DDX20: variants seen among roughly 807,000 people sequenced by gnomAD.
The protein encoded by DDX20 is DEAD-box helicase 20.
A neutral mutation model predicts 76.4 loss-of-function variants in DDX20; 61 were observed. That is an observed-to-expected ratio of 0.80 (90% CI 0.65 to 0.99). The LOEUF (loss-of-function observed/expected upper bound fraction) is 0.99, where lower values mean the gene tolerates loss of function less well. DDX20 is among the 50% of genes least tolerant of loss of function. The pLI is 0.00. For missense variants in DDX20, 976 were observed against 996.8 expected (o/e 0.98, Z 0.28); for synonymous variants, 357 against 357.4 (o/e 1.00, Z 0.01).
At chr1:111,759,606 A>G (rs1175489399) in intron 3 of DDX20, 38 bp downstream of exon 3, 3 of 1,547,454 alleles carry the variant, frequency 1.9e-6, no homozygotes, top group Non-Finnish European at 2.7e-6. Context: ...AGGGCTTTTA[A>G]GGAACTACAC....
intron 10 of DDX20, among the ~76,000 whole-genome samples, chr1:111,763,476 G>A (rs1663716743): frequency 6.6e-6 from 1 of 151,976 alleles, no homozygotes; most frequent in African/African-American, 2.4e-5. Flanking sequence ...GGAGGCTGAG[G>A]CAGGAGAATC....
intron 10 of DDX20, 115 bp downstream of exon 10, chr1:111,763,122 T>C: frequency 1.3e-6 from 1 of 766,210 alleles, no homozygotes; most frequent in East Asian, 2.7e-5. Context: ...TTCCCAGTCC[T>C]GTATGTACGT....
At chr1:111,758,921 GAAT>G (rs1227035373) in intron 2 of DDX20, among the ~76,000 whole-genome samples, 3 of 152,164 alleles carry the variant, frequency 2.0e-5, no homozygotes, top group Non-Finnish European at 4.4e-5. Flanking sequence ...TTTGTTGAAT[GAAT>G]GAATGAATGA....
intron 2 of DDX20, 143 bp from the exon 3 acceptor site, chr1:111,759,257 G>A: frequency 3.0e-6 from 2 of 660,666 alleles, no homozygotes; most frequent in South Asian, 3.0e-5. Context: ...GGATACCAAG[G>A]GATAACTGTA....
Position 111,756,264 on chromosome 1 carries a change from G to C in DDX20, c.301+39G>C, listed in dbSNP as rs1298391225. 54 of 1,187,748 alleles carry C rather than the reference G, an allele frequency of 4.5e-5. 1 individual carries two copies. The East Asian group carries it at 1.4e-3, about 31-fold the overall frequency. The allele number at this position is 1,187,748 out of a possible 1,614,324, so 73.6% of individuals were successfully genotyped here. A position where few individuals can be genotyped will look rare whatever the true frequency, so the allele number is the denominator to read the frequency against. ...CCCGGGATAGGTCGGGGGGTGGGGT[G>C]GGAGAAGGGGGACCGACGGGCGGCG... On this transcript the variant is annotated intron_variant, in intron 1 of 10. Coordinates refer to ENST00000369702, the MANE Select transcript of DDX20 (RefSeq NM_007204.5).
Position 111,766,501 on chromosome 1 carries a change from C to A in DDX20, c.2077C>A (p.Arg693Ser), listed in dbSNP as rs197414. 213,012 of 1,613,790 alleles carry A rather than the reference C, an allele frequency of 0.13. 17,321 individuals are homozygous for A. Among genetic ancestry groups the A allele is most frequent in the African/African-American group, 0.38 (28,612 of 74,892 alleles). Residue 693 changes from arginine to serine, a missense_variant, in exon 11 of 11, where the codon CGT becomes AGT. Around this residue, in one of 3 missense-constraint regions of DDX20, gnomAD observed 630 missense variants for 693.7 expected, o/e 0.91. Coordinates refer to ENST00000369702, the MANE Select transcript of DDX20 (RefSeq NM_007204.5). ...CTCTGAATCTACGCCTGTGGATGAT[C>A]GTATTTCTTTGGAACAACCACCAAA... ...KDSESTPVDD[R>S]ISLEQPPNGS...
intron 6 of DDX20, 48 bp from the exon 7 acceptor site, chr1:111,761,178 A>G (rs772725238): frequency 3.1e-6 from 5 of 1,611,886 alleles, no homozygotes; most frequent in South Asian, 1.1e-5. Flanking sequence ...AAGGATAGTC[A>G]TGGGGCAATA....
Position 111,766,715 on chromosome 1 carries a change from T to G in DDX20, c.2291T>G (p.Leu764Arg), listed in dbSNP as rs1343952195. The stretch of plus-strand genomic sequence containing the variant: ...TATGACTGTCATAGGGAAATACGTC[T>G]GAGTTTTTCTGATACCTATCAGGAT... ...DWYDCHREIR[L>R]SFSDTYQDYE... The change falls in exon 11 of 11, where the codon CTG (leucine) becomes CGG (arginine). Residue 764 changes from leucine to arginine, a missense_variant. Coordinates refer to ENST00000369702, the MANE Select transcript of DDX20 (RefSeq NM_007204.5). 5.0e-6 allele frequency: 8 copies of G among 1,614,102 alleles called. No individual in the cohort carries two copies. The highest frequency in any genetic ancestry group is 3.3e-5 in the Admixed American group (2 of 60,004).
chr1:111,764,436 A>G (rs1429889631), intron 10 of DDX20, among the ~76,000 whole-genome samples: 1 of 152,222 alleles, frequency 6.6e-6, no homozygotes, highest in Non-Finnish European at 1.5e-5. Context: ...AGTTCTATGT[A>G]TTCTAGTAGA....
intron 10 of DDX20, among the ~76,000 whole-genome samples, 154 bp downstream of exon 10, chr1:111,763,161 A>G (rs993376103): frequency 2.6e-5 from 4 of 152,130 alleles, no homozygotes; most frequent in African/African-American, 9.7e-5. Flanking sequence ...CCACACTCCT[A>G]TGAGGTGTGT....
intron 2 of DDX20, 33 bp downstream of exon 2, chr1:111,756,773 G>A: frequency 6.4e-7 from 1 of 1,557,110 alleles, no homozygotes; most frequent in Non-Finnish European, 8.9e-7. Flanking sequence ...AGGAGGATGT[G>A]TTTTGTGGAC....
chr1:111,758,147 C>A (rs528094487), intron 2 of DDX20, among the ~76,000 whole-genome samples: 1 of 152,292 alleles, frequency 6.6e-6, no homozygotes, highest in African/African-American at 2.4e-5. Flanking sequence ...TGTGAGCCAC[C>A]ATGCCCGGCA....
Position 111,766,009 on chromosome 1 carries a change from A to G in DDX20, c.1585A>G (p.Lys529Glu), listed in dbSNP as rs147635727. 1,833 of 1,614,212 alleles carry G rather than the reference A, an allele frequency of 1.1e-3. 1 individual carries two copies. The highest frequency in any genetic ancestry group is 1.4e-3 in the Non-Finnish European group (1,694 of 1,180,026). ...KSHSECGIIE[K>E]ATSPKELGCD... ...CCACTCAGAATGTGGAATCATAGAA[A>G]AAGCAACGTCACCAAAAGAACTGGG... Residue 529 changes from lysine to glutamate, a missense_variant, in exon 11 of 11, where the codon AAA (lysine) becomes GAA (glutamate). Lys to Glu is a moderately conservative substitution (Grantham distance 56). Transcript: ENST00000369702.
intron 2 of DDX20, among the ~76,000 whole-genome samples, chr1:111,758,354 CTTT>C (rs11291406): frequency 7.1e-4 from 94 of 132,718 alleles, no homozygotes; most frequent in African/African-American, 1.5e-3. Flanking sequence ...TCTCCTAGTC[CTTT>C]TTTTTTTTTT....
chr1:111,758,012 C>G (rs1326743656), intron 2 of DDX20, among the ~76,000 whole-genome samples: 1 of 148,650 alleles, frequency 6.7e-6, no homozygotes, highest in East Asian at 1.9e-4. Context: ...GCACACCACA[C>G]GCCCGGCTAA....
Position 111,755,921 on chromosome 1 carries a change from T to C in DDX20, c.-4T>C, listed in dbSNP as rs374658908. On this transcript the variant is annotated 5_prime_UTR_variant, in exon 1 of 11. Transcript: ENST00000369702. Reference sequence around the variant, plus strand: ...GCACCGCGAGATCTGACGGCGCGGCTACCATGGCGGCGGCATTTGAAGCCT... The same window carrying C: ...GCACCGCGAGATCTGACGGCGCGGCCACCATGGCGGCGGCATTTGAAGCCT... The C allele has an allele frequency of 1.3e-6, 2 of 1,568,710 alleles. No individual in the cohort carries two copies. The highest frequency in any genetic ancestry group is 1.4e-5 in the African/African-American group (1 of 73,690).
intron 2 of DDX20, among the ~76,000 whole-genome samples, chr1:111,757,641 CA>C (rs889336765): frequency 6.6e-6 from 1 of 152,154 alleles, no homozygotes; most frequent in Admixed American, 6.5e-5. Flanking sequence ...GATGAATCTT[CA>C]ACAGTGGTTT....
intron 3 of DDX20, among the ~76,000 whole-genome samples, chr1:111,760,134 G>A (rs1435514497): frequency 6.6e-6 from 1 of 152,192 alleles, no homozygotes; most frequent in East Asian, 1.9e-4. Context: ...GTGACTTTCA[G>A]GAGGCCCTTC....
chr1:111,761,283 A>G lies in DDX20; in HGVS notation c.1020A>G (p.Ser340=). ...AAGGCTTTCCTGCTGAGTGCATTTCAGGTAAGTTCATCTCTTACTTTAATC... is the reference window on the plus strand; with the variant it reads ...AAGGCTTTCCTGCTGAGTGCATTTCGGGTAAGTTCATCTCTTACTTTAATC... The part of the protein sequence containing the change: ...SSKGFPAECI[S]GNMNQNQRLD... The change falls in exon 7 of 11, where the codon TCA becomes TCG. Residue 340 remains serine (S), a splice_region_variant and synonymous_variant. Transcript: ENST00000369702. 2 of 1,612,202 alleles carry G rather than the reference A, an allele frequency of 1.2e-6. No homozygotes were observed. Among genetic ancestry groups the G allele is most frequent in the Non-Finnish European group, 1.7e-6 (2 of 1,178,998 alleles).
Sources: allele counts gnomAD v4.1 joint callset (sites outside exome capture counted in the v4.1 genomes callset), GRCh38; gene constraint gnomAD v4.1.1; regional missense constraint gnomAD v4.1.1; transcripts MANE v1.5; gene names NCBI Gene and HGNC (gene_info 2026-07-23, HGNC 2026-07-21).